Variants in SIRPA observed in about 807,000 individuals in gnomAD.
The protein encoded by SIRPA is signal regulatory protein alpha, also known as tyrosine-protein phosphatase non-receptor type substrate 1.
In SIRPA, 9 loss-of-function variants were observed where a neutral mutation model predicts 50.3. That is an observed-to-expected ratio of 0.18 (90% CI 0.11 to 0.31). SIRPA has a LOEUF of 0.31. Ranked by LOEUF, SIRPA falls within the 10% of genes least tolerant of loss-of-function variation. SIRPA has a pLI of 1.00. For missense variants in SIRPA, 474 were observed against 661.6 expected (o/e 0.72, Z 3.11); for synonymous variants, 265 against 284.1 (o/e 0.93, Z 0.68).
At chr20:1,897,291 G>A (rs1983890411) in intron 1 of SIRPA, among the ~76,000 whole-genome samples, 1 of 152,254 alleles carries the variant, frequency 6.6e-6, no homozygotes, top group Non-Finnish European at 1.5e-5. Context: ...GAGCAGCAGA[G>A]GGGCCAAGAT....
chr20:1,922,578 G>C lies in SIRPA; in HGVS notation c.1020G>C (p.Ala340=), dbSNP rs749670266. 2 of 1,613,976 alleles carry C rather than the reference G, an allele frequency of 1.2e-6. No homozygotes were observed. The highest frequency in any genetic ancestry group is 1.3e-5 in the African/African-American group (1 of 74,930). The change falls in exon 4 of 8, where the codon GCG becomes GCC. Residue 340 remains alanine, a synonymous_variant. Coordinates refer to ENST00000358771, the MANE Select transcript of SIRPA (RefSeq NM_001040023.2). ...AGGTGGAGCATGACGGGCAGCCAGC[G>C]GTCAGCAAAAGCCATGACCTGAAGG... The part of the protein sequence containing the change: ...TCQVEHDGQP[A]VSKSHDLKVS...
chr20:1,912,153 C>T (rs1430219971), intron 1 of SIRPA, among the ~76,000 whole-genome samples: 1 of 152,188 alleles, frequency 6.6e-6, no homozygotes, highest in Non-Finnish European at 1.5e-5. Context: ...CGCTACACAA[C>T]TCCAGATTTT....
In SIRPA at chr20:1,936,556, C is replaced by T. The variant is rs146703184; in HGVS notation, c.1267-764C>T. ...GAACGTTTCCCGCTTCACTAACTGGCGATCTCGTTCTTATACTGCCCCTGT... is the reference window on the plus strand; with the variant it reads ...GAACGTTTCCCGCTTCACTAACTGGTGATCTCGTTCTTATACTGCCCCTGT... On this transcript the variant is annotated intron_variant, in intron 7 of 7. Coordinates refer to ENST00000358771, the MANE Select transcript of SIRPA (RefSeq NM_001040023.2). The surrounding 1 kb of genome is among the most constrained non-coding windows in gnomAD (Gnocchi z 4.2). Among the ~76,000 whole-genome samples the T allele has an allele frequency of 4.6e-5, 7 of 152,282 alleles. No individual in the cohort carries two copies. Among genetic ancestry groups the T allele is most frequent in the South Asian group, 4.1e-4 (2 of 4,820 alleles).
chr20:1,939,374 G>A lies in SIRPA; in HGVS notation c.*1806G>A, dbSNP rs934285838. The A allele has an allele frequency of 6.6e-6, 1 of 152,190 alleles. No individual in the cohort carries two copies. The highest frequency in any genetic ancestry group is 1.5e-5 in the Non-Finnish European group (1 of 68,044). 9.4% of individuals were successfully genotyped at this position (152,190 alleles called of 1,614,324 possible). A position where few individuals can be genotyped will look rare whatever the true frequency, so the allele number is the denominator to read the frequency against. The stretch of plus-strand genomic sequence containing the variant: ...ATGGTCACCTGGTGATTTCAATGAT[G>A]GCATCCAGGAATTAGCTGAGCCAAC... On this transcript the variant is annotated 3_prime_UTR_variant, in exon 8 of 8. Coordinates refer to ENST00000358771, the MANE Select transcript of SIRPA (RefSeq NM_001040023.2). The surrounding 1 kb of genome is among the most constrained non-coding windows in gnomAD (Gnocchi z 4.7).
At chr20:1,919,064 A>C (rs924459431) in intron 2 of SIRPA, among the ~76,000 whole-genome samples, 5 of 152,262 alleles carry the variant, frequency 3.3e-5, no homozygotes, top group African/African-American at 1.2e-4. Context: ...CCTGGCCTGC[A>C]GTCAATGTTC....
At position 1,937,462 on chromosome 20, in the gene SIRPA, A is replaced by C. The variant is rs763022327; in HGVS notation, c.1409A>C (p.Tyr470Ser). The change falls in exon 8 of 8, where the codon TAT becomes TCT. Residue 470 changes from tyrosine to serine, a missense_variant. Physicochemically the swap from Tyr to Ser is moderately radical, Grantham distance 144 (BLOSUM62 -2). This residue lies in a region of SIRPA where 180 missense variants were observed against 206.7 expected (regional missense o/e 0.87). Transcript: ENST00000358771. This position sits in a 1 kb window ranked among gnomAD's most constrained non-coding sequence, Gnocchi z 8.3. ...CCCGCGTCGGAGGACACCCTCACCT[A>C]TGCTGACCTGGACATGGTCCACCTC... ...PQPASEDTLT[Y>S]ADLDMVHLNR... The C allele has an allele frequency of 1.9e-6, 3 of 1,614,084 alleles. No individual in the cohort carries two copies. Among genetic ancestry groups the C allele is most frequent in the East Asian group, 4.5e-5 (2 of 44,864 alleles).
Position 1,937,454 on chromosome 20 carries a change from C to A in SIRPA, c.1401C>A (p.Thr467=), listed in dbSNP as rs532893662. Residue 467 remains threonine, a synonymous_variant, in exon 8 of 8, where the codon ACC becomes ACA. Transcript: ENST00000358771. This position sits in a 1 kb window ranked among gnomAD's most constrained non-coding sequence, Gnocchi z 8.3. ...GCCCGCAGCCCGCGTCGGAGGACAC[C>A]CTCACCTATGCTGACCTGGACATGG... ...QTSPQPASED[T]LTYADLDMVH... 5 of 1,614,110 alleles carry A rather than the reference C, an allele frequency of 3.1e-6. No homozygotes were observed. The African/African-American group carries it at 6.7e-5, about 22-fold the overall frequency.
intron 1 of SIRPA, among the ~76,000 whole-genome samples, chr20:1,901,420 C>T (rs1030214567): frequency 6.6e-6 from 1 of 152,104 alleles, no homozygotes; most frequent in Admixed American, 6.5e-5. Context: ...ATCCTCCCGC[C>T]TCGGCCTCCC....
intron 1 of SIRPA, among the ~76,000 whole-genome samples, chr20:1,913,120 A>T (rs1985002633): frequency 1.3e-5 from 2 of 152,226 alleles, no homozygotes; most frequent in Admixed American, 6.5e-5. Flanking sequence ...GGACTTCCTG[A>T]TAATAAAAGC....
At chr20:1,906,930 C>T (rs545833167) in intron 1 of SIRPA, among the ~76,000 whole-genome samples, 1 of 152,282 alleles carries the variant, frequency 6.6e-6, no homozygotes, top group East Asian at 1.9e-4. Context: ...CACTTCTAAC[C>T]ACAGAGCCTC....
intron 7 of SIRPA, among the ~76,000 whole-genome samples, chr20:1,935,738 C>A (rs971044768): frequency 6.6e-6 from 1 of 152,216 alleles, no homozygotes; most frequent in African/African-American, 2.4e-5. Context: ...CAGAGACTTA[C>A]TGGGCACCCA....
chr20:1,895,183 T>C, upstream of SIRPA: 1 of 348,670 alleles, frequency 2.9e-6, no homozygotes, highest in South Asian at 6.8e-5. Flanking sequence ...GCCGCCTCTC[T>C]CTGGCCGCCC....
chr20:1,921,379 G>A lies in SIRPA; in HGVS notation c.437-16G>A, dbSNP rs773039434. 9.3e-6 allele frequency: 15 copies of A among 1,611,430 alleles called. No homozygotes were observed. The highest frequency in any genetic ancestry group is 6.7e-5 in the East Asian group (3 of 44,832). On this transcript the variant is annotated splice_polypyrimidine_tract_variant and intron_variant, in intron 2 of 7. Coordinates refer to ENST00000358771, the MANE Select transcript of SIRPA (RefSeq NM_001040023.2). Reference sequence around the variant, plus strand: ...ATCTGAGTCATGTCTCCTGATTATCGATGGTCCTTTTGTAGCCAAACCCTC... The same window carrying A: ...ATCTGAGTCATGTCTCCTGATTATCAATGGTCCTTTTGTAGCCAAACCCTC...
chr20:1,912,854 C>T (rs772965501), intron 1 of SIRPA, among the ~76,000 whole-genome samples: 5 of 152,232 alleles, frequency 3.3e-5, no homozygotes, highest in Admixed American at 1.3e-4. Context: ...GGTCCAGTCT[C>T]GAGGCTGAAA....
intron 2 of SIRPA, among the ~76,000 whole-genome samples, chr20:1,918,911 C>T (rs1045470678): frequency 6.6e-6 from 1 of 152,216 alleles, no homozygotes; most frequent in Non-Finnish European, 1.5e-5. Context: ...AGCTCTGCCA[C>T]CTCCTGGCTC....
At chr20:1,895,264 AGG>A (rs1205218662), upstream of SIRPA, 3 of 366,954 alleles carry the variant, frequency 8.2e-6, no homozygotes, top group Non-Finnish European at 1.3e-5. Context: ...GGGGGCGGGG[AGG>A]GGGGGTCTCC....
chr20:1,921,316 G>A (rs1442709493), intron 2 of SIRPA, 79 bp from the exon 3 acceptor site: 5 of 1,606,790 alleles, frequency 3.1e-6, no homozygotes, highest in Non-Finnish European at 3.4e-6. Context: ...GTCTCAGAAG[G>A]TTCTTAACGT....
At chr20:1,918,101 G>A (rs1255968886) in intron 2 of SIRPA, among the ~76,000 whole-genome samples, 2 of 152,158 alleles carry the variant, frequency 1.3e-5, no homozygotes. Flanking sequence ...GATAATCAGG[G>A]ACTCCTTTGG....
intron 1 of SIRPA, among the ~76,000 whole-genome samples, chr20:1,912,849 A>T (rs1984982275): frequency 6.6e-6 from 1 of 152,240 alleles, no homozygotes; most frequent in Non-Finnish European, 1.5e-5. Context: ...CAGTTGGTCC[A>T]GTCTCGAGGC....
Sources: gnomAD v4.1 joint callset for allele counts (sites outside exome capture counted in the v4.1 genomes callset) on GRCh38, gnomAD v4.1.1 for gene constraint, gnomAD v4.1.1 regional missense constraint, Gnocchi (gnomAD v3.1) non-coding constraint, MANE v1.5 for transcripts, NCBI Gene and HGNC (gene_info 2026-07-23, HGNC 2026-07-21) for gene names.